Variants in RBFOX1 observed in about 807,000 individuals in gnomAD.
The protein encoded by RBFOX1 is RNA binding protein fox-1 homolog 1.
RBFOX1 carries 8 observed loss-of-function variants against 57.7 expected under a neutral mutation model. The ratio of observed to expected loss-of-function variants is 0.14; its 90% CI spans 0.08 to 0.25. The LOEUF is 0.25. RBFOX1 is among the 10% of genes least tolerant of loss of function. The pLI is 1.00. For synonymous variants in RBFOX1, 326 were observed against 222.4 expected (o/e 1.47, Z -4.15); for missense variants, 611 against 548.5 (o/e 1.11, Z -1.14).
intron 4 of RBFOX1, among the ~76,000 whole-genome samples, chr16:7,285,860 G>GTGCAT (rs1555669224): frequency 6.6e-6 from 1 of 152,158 alleles, no homozygotes; most frequent in Non-Finnish European, 1.5e-5. Flanking sequence ...GCAGGGTTTT[G>GTGCAT]TGTGAACACA....
intron 4 of RBFOX1, among the ~76,000 whole-genome samples, chr16:7,352,607 C>T (rs897551098): frequency 1.3e-5 from 2 of 152,138 alleles, no homozygotes; most frequent in Non-Finnish European, 2.9e-5. Context: ...CAGAAACAAG[C>T]TCGCTATATT....
intron 5 of RBFOX1, among the ~76,000 whole-genome samples, chr16:7,574,757 TG>T (rs1463504946): frequency 1.3e-5 from 2 of 152,124 alleles, no homozygotes; most frequent in African/African-American, 4.8e-5. Context: ...ACCAATACTT[TG>T]CATCCTTCAA....
At chr16:7,586,343 A>T (rs1159230806) in intron 6 of RBFOX1, among the ~76,000 whole-genome samples, 1 of 152,196 alleles carries the variant, frequency 6.6e-6, no homozygotes, top group Admixed American at 6.5e-5. Context: ...AGATGATCCG[A>T]TGCCCCTAGT....
intron 3 of RBFOX1, among the ~76,000 whole-genome samples, chr16:6,772,490 TG>T (rs1361126084): frequency 2.7e-5 from 4 of 150,136 alleles, no homozygotes; most frequent in Admixed American, 2.0e-4. Context: ...TGTGTGGGTA[TG>T]GGGTGCGTTT....
At chr16:7,441,936 T>C (rs111583033) in intron 4 of RBFOX1, among the ~76,000 whole-genome samples, 3 of 152,326 alleles carry the variant, frequency 2.0e-5, no homozygotes, top group African/African-American at 7.2e-5. Flanking sequence ...GCCTGGAAGC[T>C]TTGCATCTGC....
intron 3 of RBFOX1, among the ~76,000 whole-genome samples, chr16:5,711,715 G>A (rs986758116): frequency 1.1e-4 from 16 of 152,124 alleles, no homozygotes; most frequent in Non-Finnish European, 1.5e-5. Flanking sequence ...TCAGGAAAAT[G>A]GGAATTCAAT....
chr16:7,228,303 G>C (rs140474770), intron 4 of RBFOX1, among the ~76,000 whole-genome samples: 85 of 152,226 alleles, frequency 5.6e-4, no homozygotes, highest in African/African-American at 1.9e-3. Context: ...GTAATATAAT[G>C]ATTATTATTC....
chr16:6,820,162 G>C (rs1017302476), intron 3 of RBFOX1, among the ~76,000 whole-genome samples: 1 of 152,116 alleles, frequency 6.6e-6, no homozygotes, highest in East Asian at 1.9e-4. Flanking sequence ...CGCCATATAA[G>C]ACATACCTTT....
intron 3 of RBFOX1, among the ~76,000 whole-genome samples, chr16:6,965,280 C>G (rs188298713): frequency 7.2e-5 from 11 of 151,750 alleles, no homozygotes; most frequent in South Asian, 2.1e-4. Flanking sequence ...CTAGAATGAC[C>G]AAACATAAAC....
chr16:7,002,944 T>C (rs1293676234), intron 3 of RBFOX1, among the ~76,000 whole-genome samples: 1 of 151,904 alleles, frequency 6.6e-6, no homozygotes, highest in Non-Finnish European at 1.5e-5. Flanking sequence ...AGTGTAAGAA[T>C]GTAGGAAAGG....
At chr16:5,579,823 G>T (rs1012191494) in intron 2 of RBFOX1, among the ~76,000 whole-genome samples, 1 of 150,274 alleles carries the variant, frequency 6.7e-6, no homozygotes, top group African/African-American at 2.5e-5. Flanking sequence ...GCAGTCACTC[G>T]ATCTCAGCTC....
At chr16:6,326,763 G>A (rs2082416691) in intron 2 of RBFOX1, among the ~76,000 whole-genome samples, 1 of 147,320 alleles carries the variant, frequency 6.8e-6, no homozygotes, top group Admixed American at 6.8e-5. Flanking sequence ...CAAGCAGATT[G>A]ACTAGTGATC....
intron 4 of RBFOX1, among the ~76,000 whole-genome samples, chr16:5,979,482 C>T (rs1190568487): frequency 2.0e-5 from 3 of 152,202 alleles, no homozygotes; most frequent in Non-Finnish European, 4.4e-5. Flanking sequence ...ATTCACTGAG[C>T]ATTTACTATG....
intron 3 of RBFOX1, among the ~76,000 whole-genome samples, chr16:6,759,473 CTGTGTGTG>C (rs71145287): frequency 0.052 from 7,377 of 143,124 alleles, 294 homozygotes; most frequent in Middle Eastern, 0.099. Flanking sequence ...TGTCAGTTGT[CTGTGTGTG>C]TGTGTGTGTG....
intron 4 of RBFOX1, among the ~76,000 whole-genome samples, chr16:7,108,386 A>T (rs886522138): frequency 1.3e-5 from 2 of 152,212 alleles, no homozygotes; most frequent in East Asian, 3.8e-4. Flanking sequence ...AACATGTACA[A>T]GTTGAAGTGT....
At chr16:6,135,763 C>G (rs902830976) in intron 1 of RBFOX1, among the ~76,000 whole-genome samples, 2 of 148,074 alleles carry the variant, frequency 1.4e-5, no homozygotes, top group Non-Finnish European at 3.0e-5. Context: ...AGGGGAATTC[C>G]TGGAGATGGC....
chr16:6,649,991 C>T (rs1300805867), intron 2 of RBFOX1, among the ~76,000 whole-genome samples: 1 of 152,092 alleles, frequency 6.6e-6, no homozygotes, highest in Non-Finnish European at 1.5e-5. Context: ...CAGTTTGATT[C>T]CCTATCTTGG....
At chr16:6,602,831 T>C (rs2097870996) in intron 2 of RBFOX1, among the ~76,000 whole-genome samples, 1 of 152,128 alleles carries the variant, frequency 6.6e-6, no homozygotes, top group South Asian at 2.1e-4. Context: ...CAACTGGAGC[T>C]CATGCCCCAC....
At chr16:7,169,058 T>A (rs1479813596) in intron 4 of RBFOX1, among the ~76,000 whole-genome samples, 1 of 152,136 alleles carries the variant, frequency 6.6e-6, no homozygotes, top group Non-Finnish European at 1.5e-5. Context: ...GACAGTGTAG[T>A]TTGCATGTGG....
Sources: gnomAD v4.1 joint callset for allele counts (sites outside exome capture counted in the v4.1 genomes callset) on GRCh38, gnomAD v4.1.1 for gene constraint, MANE v1.5 for transcripts, NCBI Gene and HGNC (gene_info 2026-07-23, HGNC 2026-07-21) for gene names.